Variants in KDM4C observed in about 807,000 individuals in gnomAD.
KDM4C encodes the protein lysine demethylase 4C, also known as lysine-specific demethylase 4C.
KDM4C carries 81 observed loss-of-function variants against 129.3 expected under a neutral mutation model. That is an observed-to-expected ratio of 0.63 (90% CI 0.52 to 0.75). The LOEUF (loss-of-function observed/expected upper bound fraction) is 0.75, where lower values mean the gene tolerates loss of function less well. Among genes scored for constraint, KDM4C ranks in the 30% least tolerant of loss-of-function variants. The pLI is 0.00. For synonymous variants in KDM4C, 573 were observed against 456.1 expected, an observed-to-expected ratio of 1.26 and a Z score of -3.26; for missense variants, 1,457 against 1,304.0, an observed-to-expected ratio of 1.12 and a Z score of -1.81.
intron 17 of KDM4C, among the ~76,000 whole-genome samples, chr9:7,079,394 G>A (rs915524067): frequency 6.6e-6 from 1 of 152,100 alleles, no homozygotes; most frequent in Non-Finnish European, 1.5e-5. Context: ...TACGATCTTG[G>A]CTCACTACAA....
chr9:7,016,272 C>T (rs975084886), intron 15 of KDM4C, among the ~76,000 whole-genome samples: 2 of 152,004 alleles, frequency 1.3e-5, no homozygotes, highest in Non-Finnish European at 2.9e-5. Context: ...GGACTACAGG[C>T]ACCCGCCACC....
intron 17 of KDM4C, among the ~76,000 whole-genome samples, chr9:7,058,879 G>C (rs1045969077): frequency 2.0e-5 from 3 of 150,698 alleles, no homozygotes; most frequent in African/African-American, 7.3e-5. Flanking sequence ...TTTCTATAAT[G>C]AATGCCAAGC....
At chr9:6,980,867 C>G (rs1207917040) in intron 8 of KDM4C, 58 bp from the exon 9 acceptor site, 14 of 1,456,314 alleles carry the variant, frequency 9.6e-6, no homozygotes, top group Non-Finnish European at 1.2e-5. Flanking sequence ...AGGACCAACT[C>G]TGTGTTACTG....
chr9:6,768,223 C>G (rs1016321821), intron 1 of KDM4C, among the ~76,000 whole-genome samples: 5 of 152,006 alleles, frequency 3.3e-5, no homozygotes, highest in Non-Finnish European at 7.4e-5. Context: ...ATGCTTGTGT[C>G]TTCTCATTAG....
chr9:7,114,158 G>A (rs1838642092), intron 18 of KDM4C, among the ~76,000 whole-genome samples: 1 of 152,108 alleles, frequency 6.6e-6, no homozygotes, highest in Non-Finnish European at 1.5e-5. Context: ...TCCTTATTCT[G>A]TTTTCTGGGG....
rs569530151 is a variant in KDM4C, at chr9:7,012,655, C to T, written c.1968+776C>T. On this transcript the variant is annotated intron_variant, in intron 13 of 21. Transcript: ENST00000381309. The stretch of plus-strand genomic sequence containing the variant: ...TGGCTGTGCGTGATGTTGTTTTCAG[C>T]GTCATTCCATAGATATTATACTGAT... Among the ~76,000 whole-genome samples the T allele has an allele frequency of 1.8e-3, 275 of 152,178 alleles. 1 individual carries two copies. Among genetic ancestry groups the T allele is most frequent in the African/African-American group, 6.3e-3 (262 of 41,518 alleles).
chr9:7,000,206 C>T (rs10815506), intron 12 of KDM4C, among the ~76,000 whole-genome samples: 9,994 of 152,126 alleles, frequency 0.066, 413 homozygotes, highest in South Asian at 0.12. Context: ...GTCCCAGTGG[C>T]GTTGATTTTT....
intron 15 of KDM4C, among the ~76,000 whole-genome samples, chr9:7,030,142 C>T (rs547582162): frequency 4.3e-4 from 66 of 152,156 alleles, no homozygotes; most frequent in African/African-American, 1.4e-3. Flanking sequence ...TTTGTTTATT[C>T]TGGCTTGCTT....
intron 1 of KDM4C, among the ~76,000 whole-genome samples, chr9:6,750,821 T>C (rs546357865): frequency 3.9e-5 from 6 of 152,334 alleles, no homozygotes; most frequent in East Asian, 3.9e-4. Context: ...TATCATTTTT[T>C]ACTATTCTCT....
upstream of KDM4C, among the ~76,000 whole-genome samples, chr9:6,754,555 T>G (rs908136443): frequency 8.5e-5 from 13 of 152,132 alleles, no homozygotes; most frequent in Non-Finnish European, 1.5e-4. Context: ...CTTCAACAGA[T>G]TCAAAATTAG....
At chr9:7,037,517 G>A (rs994900749) in intron 15 of KDM4C, among the ~76,000 whole-genome samples, 1 of 151,992 alleles carries the variant, frequency 6.6e-6, no homozygotes, top group African/African-American at 2.4e-5. Context: ...AATAACTGAG[G>A]CATAAAGAAA....
chr9:6,877,466 C>T (rs1344613514), intron 5 of KDM4C, among the ~76,000 whole-genome samples: 1 of 152,198 alleles, frequency 6.6e-6, no homozygotes, highest in Middle Eastern at 3.2e-3. Flanking sequence ...TCCCAAAGTG[C>T]TGGGATTACA....
At chr9:6,736,553 G>C (rs1180195862) in intron 1 of KDM4C, among the ~76,000 whole-genome samples, 5 of 152,280 alleles carry the variant, frequency 3.3e-5, no homozygotes, top group Middle Eastern at 3.4e-3. Flanking sequence ...GAAGCTCTAA[G>C]AGTTGGCAGC....
At chr9:6,925,576 A>T (rs1220184303) in intron 8 of KDM4C, 2 of 985,082 alleles carry the variant, frequency 2.0e-6, no homozygotes, top group African/African-American at 3.5e-5. Flanking sequence ...TACAAGTGGG[A>T]GCCACCATGC....
At chr9:7,170,368 C>T in intron 21 of KDM4C, 1 of 1,006,998 alleles carries the variant, frequency 9.9e-7, no homozygotes, top group Non-Finnish European at 1.2e-6. Context: ...GTCAGTTCAT[C>T]ATTAAGCTAA....
In KDM4C at chr9:6,814,759, T is replaced by A; in HGVS notation, c.435+14T>A. ...ATATATGATGAGGTACATTCATATT[T>A]ACAGTGAGTTTTGTAAAGATCATTG... On this transcript the variant is annotated intron_variant, in intron 4 of 21. Transcript: ENST00000381309. 1 of 1,471,766 alleles carries A rather than the reference T, an allele frequency of 6.8e-7. No individual in the cohort carries two copies. Among genetic ancestry groups the A allele is most frequent in the Non-Finnish European group, 9.5e-7 (1 of 1,055,766 alleles). 91.2% of individuals were successfully genotyped at this position (1,471,766 alleles called of 1,614,324 possible).
At chr9:7,173,995 C>T (rs1039559503) in intron 21 of KDM4C, among the ~76,000 whole-genome samples, 1 of 152,122 alleles carries the variant, frequency 6.6e-6, no homozygotes, top group African/African-American at 2.4e-5. Context: ...AGAAAGGGAA[C>T]CCCTGAGACA....
At chr9:6,824,166 G>A (rs899483232) in intron 4 of KDM4C, among the ~76,000 whole-genome samples, 1 of 152,180 alleles carries the variant, frequency 6.6e-6, no homozygotes, top group African/African-American at 2.4e-5. Context: ...GTTGGAAAAT[G>A]ATAACAGAGG....
chr9:6,958,012 T>C (rs991836824), intron 8 of KDM4C, among the ~76,000 whole-genome samples: 1 of 151,938 alleles, frequency 6.6e-6, no homozygotes, highest in African/African-American at 2.4e-5. Flanking sequence ...ATATTGCTTC[T>C]CCGAGGGAGA....
Sources: allele counts gnomAD v4.1 joint callset (sites outside exome capture counted in the v4.1 genomes callset), GRCh38; gene constraint gnomAD v4.1.1; transcripts MANE v1.5; gene names NCBI Gene and HGNC (gene_info 2026-07-23, HGNC 2026-07-21).